Variants in SLF1 observed in about 807,000 individuals in gnomAD.
SLF1 encodes SMC5/6 complex localization factor 1.
In SLF1, 105 loss-of-function variants were observed where a neutral mutation model predicts 123.0. That is an observed-to-expected ratio of 0.85 (90% CI 0.73 to 1.00). The LOEUF is 1.00. Among genes scored for constraint, SLF1 ranks in the 50% least tolerant of loss-of-function variants. The pLI is 0.00. For missense variants in SLF1, 1,239 were observed against 1,223.0 expected (o/e 1.01, Z -0.20); for synonymous variants, 434 against 406.6 (o/e 1.07, Z -0.81).
At chr5:94,637,105 T>C (rs972577029) in intron 4 of SLF1, among the ~76,000 whole-genome samples, 1 of 152,180 alleles carries the variant, frequency 6.6e-6, no homozygotes, top group Admixed American at 6.5e-5. Context: ...GTTGGAGCTT[T>C]GTTAATTTCT....
chr5:94,649,435 C>A lies in SLF1; in HGVS notation c.595-19C>A. The A allele has an allele frequency of 1.4e-6, 2 of 1,458,072 alleles. No homozygotes were observed. The highest frequency in any genetic ancestry group is 2.5e-5 in the East Asian group (1 of 39,238). The allele number at this position is 1,458,072 out of a possible 1,614,324, so 90.3% of individuals were successfully genotyped here. On this transcript the variant is annotated intron_variant, in intron 5 of 20. Coordinates refer to ENST00000265140, the MANE Select transcript of SLF1 (RefSeq NM_032290.4). ...AATACACTTAGATGATTGCCTAAAC[C>A]ATTTTTACATACATACAGAAAGAAA... is the stretch of plus-strand genomic sequence containing the variant.
chr5:94,632,883 G>T (rs1745355616), intron 4 of SLF1, among the ~76,000 whole-genome samples: 1 of 151,734 alleles, frequency 6.6e-6, no homozygotes, highest in Non-Finnish European at 1.5e-5. Flanking sequence ...TACAGGTGGG[G>T]TTTCACTGTG....
chr5:94,650,616 G>A lies in SLF1; in HGVS notation c.738+1019G>A, dbSNP rs1201915221. On this transcript the variant is annotated intron_variant, in intron 6 of 20. Coordinates refer to ENST00000265140, the MANE Select transcript of SLF1 (RefSeq NM_032290.4). ...CCTGACCTCGTGATCCGCCCGCCTC[G>A]GCCTCCCAAAGTGCTGGGATTACAT... is the stretch of plus-strand genomic sequence containing the variant. Among the ~76,000 whole-genome samples, 11 of 152,006 alleles carry A rather than the reference G, an allele frequency of 7.2e-5. No homozygotes were observed. The East Asian group carries it at 1.5e-3, about 21-fold the overall frequency.
rs546344265 is a variant in SLF1 at position 94,686,152 on chromosome 5, C to A, written c.1976-421C>A. The stretch of plus-strand genomic sequence containing the variant: ...TTCTTCCTGTCAACTCAGTACTGAT[C>A]ATTGCAAATTAAATACTTGTATGTT... On this transcript the variant is annotated intron_variant, in intron 15 of 20. Transcript: ENST00000265140. Among the ~76,000 whole-genome samples, 15 of 152,262 alleles carry A rather than the reference C, an allele frequency of 9.9e-5. 1 individual carries two copies. The South Asian group carries it at 3.1e-3, about 32-fold the overall frequency.
intron 14 of SLF1, among the ~76,000 whole-genome samples, chr5:94,675,859 T>G (rs572322272): frequency 6.6e-6 from 1 of 151,826 alleles, no homozygotes; most frequent in Non-Finnish European, 1.5e-5. Context: ...TAACTGTATG[T>G]ACCACATATT....
intron 4 of SLF1, among the ~76,000 whole-genome samples, chr5:94,634,735 A>G (rs1447559058): frequency 6.6e-6 from 1 of 152,150 alleles, no homozygotes; most frequent in Non-Finnish European, 1.5e-5. Context: ...TTCACTAATA[A>G]TCATCTTTTT....
At chr5:94,684,669 G>T (rs547764721) in intron 15 of SLF1, among the ~76,000 whole-genome samples, 57 of 128,700 alleles carry the variant, frequency 4.4e-4, no homozygotes, top group African/African-American at 1.7e-3. Context: ...CTGCACTCCA[G>T]CCTGGGCAAT....
intron 18 of SLF1, among the ~76,000 whole-genome samples, chr5:94,689,871 T>C (rs910352583): frequency 1.6e-4 from 25 of 152,186 alleles, no homozygotes; most frequent in African/African-American, 5.5e-4. Context: ...GTAGCATTCA[T>C]TGAGCTCATT....
chr5:94,648,730 T>G (rs565304099), intron 5 of SLF1, among the ~76,000 whole-genome samples: 3 of 152,244 alleles, frequency 2.0e-5, no homozygotes, highest in Non-Finnish European at 4.4e-5. Context: ...TCCACCCGCC[T>G]TGGCTTCCCA....
chr5:94,624,279 A>G (rs764755065), intron 1 of SLF1, among the ~76,000 whole-genome samples: 33 of 152,324 alleles, frequency 2.2e-4, no homozygotes, highest in Non-Finnish European at 3.7e-4. Context: ...AATCATTTTC[A>G]AAGGAAATAA....
chr5:94,661,737 A>C (rs1749145726), intron 9 of SLF1, among the ~76,000 whole-genome samples: 1 of 152,020 alleles, frequency 6.6e-6, no homozygotes, highest in Non-Finnish European at 1.5e-5. Context: ...GGGTTTTGCC[A>C]TGTTGGCCAG....
At chr5:94,690,191 C>G (rs1344694888) in intron 18 of SLF1, among the ~76,000 whole-genome samples, 1 of 152,136 alleles carries the variant, frequency 6.6e-6, no homozygotes, top group Admixed American at 6.5e-5. Flanking sequence ...ACTTAGCCAC[C>G]TCATAACTTG....
intron 4 of SLF1, among the ~76,000 whole-genome samples, chr5:94,636,894 A>G (rs1379779558): frequency 6.6e-6 from 1 of 151,204 alleles, no homozygotes; most frequent in Non-Finnish European, 1.5e-5. Context: ...ATTTTTTTGT[A>G]TTTTTAGTGA....
chr5:94,682,326 T>C (rs905627940), intron 15 of SLF1, among the ~76,000 whole-genome samples: 4 of 152,110 alleles, frequency 2.6e-5, no homozygotes, highest in Non-Finnish European at 5.9e-5. Context: ...CTGCCACCTC[T>C]TTTTTTCCCT....
At chr5:94,619,494 CA>C (rs959423547) in intron 1 of SLF1, among the ~76,000 whole-genome samples, 14 of 147,894 alleles carry the variant, frequency 9.5e-5, no homozygotes, top group South Asian at 6.5e-4. Flanking sequence ...TAAATATTGA[CA>C]AAAAAAAAAT....
intron 1 of SLF1, among the ~76,000 whole-genome samples, chr5:94,619,636 G>A (rs918227990): frequency 1.6e-4 from 25 of 152,086 alleles, no homozygotes; most frequent in Non-Finnish European, 3.5e-4. Context: ...GAAATATTGG[G>A]AATGAACATT....
chr5:94,648,159 A>G (rs1451734), intron 5 of SLF1, among the ~76,000 whole-genome samples: 83,654 of 152,010 alleles, frequency 0.55, 23,356 homozygotes, highest in African/African-American at 0.65. Context: ...TGCAAGTTAC[A>G]CTTAACAGAA....
At chr5:94,624,480 C>A (rs1197149513) in intron 1 of SLF1, among the ~76,000 whole-genome samples, 1 of 151,926 alleles carries the variant, frequency 6.6e-6, no homozygotes, top group Non-Finnish European at 1.5e-5. Context: ...CCAGTAAATC[C>A]AAATAATTTA....
At chr5:94,675,904 ATT>A (rs70978120) in intron 14 of SLF1, among the ~76,000 whole-genome samples, 160 of 121,706 alleles carry the variant, frequency 1.3e-3, no homozygotes, top group South Asian at 2.5e-3. Flanking sequence ...CAACTGGTTG[ATT>A]TTTTTTTTTT....
Sources: gnomAD v4.1 joint callset for allele counts (sites outside exome capture counted in the v4.1 genomes callset) on GRCh38, gnomAD v4.1.1 for gene constraint, MANE v1.5 for transcripts, NCBI Gene and HGNC (gene_info 2026-07-23, HGNC 2026-07-21) for gene names.